SPP2: variants seen among roughly 807,000 people sequenced by gnomAD.
SPP2 encodes the protein secreted phosphoprotein 2, also known as secreted phosphoprotein 24.
SPP2 carries 34 observed loss-of-function variants against 28.8 expected under a neutral mutation model. The observed-to-expected ratio is 1.18, with a 90% confidence interval of 0.90 to 1.57. The LOEUF (loss-of-function observed/expected upper bound fraction) is 1.57. SPP2 is among the 40% of genes most tolerant of loss of function. The pLI is 0.00. For synonymous variants in SPP2, 96 were observed against 89.4 expected (o/e 1.07, Z -0.42); for missense variants, 269 against 263.9 (o/e 1.02, Z -0.13).
At chr2:234,059,418 C>T (rs1350260577) in intron 3 of SPP2, among the ~76,000 whole-genome samples, 1 of 152,176 alleles carries the variant, frequency 6.6e-6, no homozygotes, top group Non-Finnish European at 1.5e-5. Context: ...TTTCGTGTCT[C>T]TCATGACCAG....
At chr2:234,062,605 G>A (rs909126808) in intron 4 of SPP2, among the ~76,000 whole-genome samples, 9 of 152,096 alleles carry the variant, frequency 5.9e-5, no homozygotes, top group Non-Finnish European at 1.3e-4. Flanking sequence ...ATCAGATGAC[G>A]AATAGATTGG....
At chr2:234,065,654 A>G (rs540471344) in intron 4 of SPP2, among the ~76,000 whole-genome samples, 12 of 152,328 alleles carry the variant, frequency 7.9e-5, no homozygotes, top group Non-Finnish European at 1.5e-4. Context: ...AGAAATGTCT[A>G]TTCAAATCCT....
At chr2:234,055,726 G>A (rs551796244) in intron 2 of SPP2, among the ~76,000 whole-genome samples, 68 of 152,224 alleles carry the variant, frequency 4.5e-4, no homozygotes, top group African/African-American at 1.5e-3. Flanking sequence ...CTTTTGGAGT[G>A]TTTTTATTCA....
rs1417434951 is a variant in SPP2 at position 234,051,090 on chromosome 2, A to T, written c.205A>T (p.Lys69Ter). 6.2e-7 allele frequency: 1 copy of T among 1,613,630 alleles called. No individual in the cohort carries two copies. The change falls in exon 2 of 8, where the codon AAA becomes TAA. Residue 69 changes from lysine to a stop codon, truncating the protein, a stop_gained. Transcript: ENST00000168148. LOFTEE classifies it high-confidence loss of function. ...YLFRAFRSSL[K>*]RVEVLDENNL... ...GTTTCGGGCATTCAGAAGCTCATTA[A>T]AAAGAGTAAGTGCAAAATGAAATCT... is the stretch of plus-strand genomic sequence containing the variant.
intron 6 of SPP2, among the ~76,000 whole-genome samples, chr2:234,069,166 C>T (rs1377248927): frequency 6.7e-6 from 1 of 149,998 alleles, no homozygotes; most frequent in Non-Finnish European, 1.5e-5. Context: ...ACAGCTGGAT[C>T]CCCCCAGAGA....
chr2:234,072,974 G>A (rs748855177), intron 7 of SPP2, among the ~76,000 whole-genome samples: 73 of 152,126 alleles, frequency 4.8e-4, no homozygotes, highest in Admixed American at 7.9e-4. Context: ...TGAAAACTCC[G>A]CCTCCCAGGT....
intron 2 of SPP2, among the ~76,000 whole-genome samples, chr2:234,058,536 C>A (rs546611515): frequency 2.0e-4 from 31 of 152,260 alleles, no homozygotes; most frequent in African/African-American, 7.2e-4. Flanking sequence ...AATATGGAAT[C>A]CACAAACAGT....
chr2:234,074,374 C>G (rs1449031794), intron 7 of SPP2, among the ~76,000 whole-genome samples: 2 of 152,146 alleles, frequency 1.3e-5, no homozygotes, highest in African/African-American at 4.8e-5. Context: ...AAAACCTGCA[C>G]CACCACCGCC....
At chr2:234,061,685 C>T (rs984243593) in intron 4 of SPP2, among the ~76,000 whole-genome samples, 3 of 152,146 alleles carry the variant, frequency 2.0e-5, no homozygotes, top group Non-Finnish European at 4.4e-5. Context: ...TCTGGAGGTA[C>T]ATTTTAGAAT....
At chr2:234,071,628 G>A (rs1389318868) in intron 7 of SPP2, among the ~76,000 whole-genome samples, 2 of 152,146 alleles carry the variant, frequency 1.3e-5, no homozygotes, top group African/African-American at 4.8e-5. Flanking sequence ...GAGTGTTCAC[G>A]GGCTTTACAG....
intron 7 of SPP2, among the ~76,000 whole-genome samples, chr2:234,075,552 C>T (rs538309223): frequency 6.6e-6 from 1 of 152,154 alleles, no homozygotes; most frequent in African/African-American, 2.4e-5. Flanking sequence ...AGATTTGGTC[C>T]CCTCTCAGGC....
intron 2 of SPP2, among the ~76,000 whole-genome samples, chr2:234,054,907 G>A (rs909880961): frequency 6.6e-6 from 1 of 152,024 alleles, no homozygotes; most frequent in African/African-American, 2.4e-5. Flanking sequence ...GGATCCTTGA[G>A]GTCTCCATGC....
rs1693483022 is a variant in SPP2, at chr2:234,051,053, G to A, written c.168G>A (p.Leu56=). ...TGGTAAAAGTGAATTCCCAGTCACT[G>A]AGTCCGTATCTGTTTCGGGCATTCA... is the stretch of plus-strand genomic sequence containing the variant. ...ASVVKVNSQS[L]SPYLFRAFRS... is the part of the protein sequence containing the mutation. The change falls in exon 2 of 8, where the codon CTG becomes CTA. Residue 56 remains leucine (L), a synonymous_variant. Coordinates refer to ENST00000168148, the MANE Select transcript of SPP2 (RefSeq NM_006944.3). The A allele has an allele frequency of 6.2e-7, 1 of 1,614,020 alleles. No homozygotes were observed. The highest frequency in any genetic ancestry group is 2.2e-5 in the East Asian group (1 of 44,870).
intron 2 of SPP2, among the ~76,000 whole-genome samples, chr2:234,053,591 G>A (rs538519138): frequency 1.1e-4 from 16 of 151,398 alleles, no homozygotes; most frequent in Non-Finnish European, 2.4e-4. Flanking sequence ...TCTAATGTGC[G>A]GTCTCGGTGA....
chr2:234,074,089 G>T (rs2125475332), intron 7 of SPP2, among the ~76,000 whole-genome samples: 1 of 152,186 alleles, frequency 6.6e-6, no homozygotes, highest in African/African-American at 2.4e-5. Context: ...AGAGGCCCCT[G>T]CCCTCAGAGA....
chr2:234,075,348 G>T (rs1690874982), intron 7 of SPP2, among the ~76,000 whole-genome samples: 3 of 152,040 alleles, frequency 2.0e-5, no homozygotes, highest in Admixed American at 2.0e-4. Context: ...TTCTCATCCT[G>T]TCTTTTTAAA....
intron 4 of SPP2, among the ~76,000 whole-genome samples, chr2:234,065,176 G>C (rs1261486343): frequency 6.6e-6 from 1 of 152,114 alleles, no homozygotes; most frequent in Non-Finnish European, 1.5e-5. Flanking sequence ...ATTCCCACCA[G>C]TAATGTATGA....
chr2:234,075,306 T>C (rs929178199), intron 7 of SPP2, among the ~76,000 whole-genome samples: 4 of 152,180 alleles, frequency 2.6e-5, no homozygotes, highest in African/African-American at 9.7e-5. Context: ...CCCTCGTTTA[T>C]CCCTAGCTTC....
intron 2 of SPP2, among the ~76,000 whole-genome samples, chr2:234,051,705 A>G (rs1693501249): frequency 6.6e-6 from 1 of 152,200 alleles, no homozygotes; most frequent in South Asian, 2.1e-4. Flanking sequence ...CCTTATTATC[A>G]TCTGCATGGG....
Sources: allele counts gnomAD v4.1 joint callset (sites outside exome capture counted in the v4.1 genomes callset), GRCh38; gene constraint gnomAD v4.1.1; transcripts MANE v1.5; gene names NCBI Gene and HGNC (gene_info 2026-07-23, HGNC 2026-07-21).